TOX2: variants seen among roughly 807,000 people sequenced by gnomAD.
TOX2 encodes the protein TOX high mobility group box family member 2, also known as granulosa cell HMG box 1.
Under a neutral mutation model 47.4 loss-of-function variants are expected in TOX2, and 15 were observed. That is an observed-to-expected ratio of 0.32 (90% CI 0.21 to 0.49). The LOEUF (loss-of-function observed/expected upper bound fraction) is 0.49. TOX2 is among the 20% of genes least tolerant of loss of function. The probability of loss-of-function intolerance (pLI) is 0.99; values close to 1 mark genes in which losing one functional copy is unlikely to be tolerated. For synonymous variants in TOX2, 290 were observed against 296.6 expected (o/e 0.98, Z 0.23); for missense variants, 622 against 673.1 (o/e 0.92, Z 0.84).
chr20:44,019,875 C>T (rs1224262109), intron 3 of TOX2, among the ~76,000 whole-genome samples: 1 of 152,150 alleles, frequency 6.6e-6, no homozygotes, highest in Admixed American at 6.6e-5. Context: ...CTAAATCACC[C>T]CAGGGAGTTG....
At chr20:43,945,743 G>T in intron 1 of TOX2, 1 of 974,304 alleles carries the variant, frequency 1.0e-6, no homozygotes, top group South Asian at 1.6e-5. Flanking sequence ...ATTGGAATAG[G>T]AGATGGATTT....
intron 1 of TOX2, among the ~76,000 whole-genome samples, chr20:43,966,837 A>G (rs2069864070): frequency 1.3e-5 from 2 of 151,046 alleles, no homozygotes; most frequent in Non-Finnish European, 2.9e-5. Context: ...GCTGCCCTGG[A>G]GGGTCCTGGA....
At chr20:44,002,324 C>A (rs1290014747) in intron 2 of TOX2, among the ~76,000 whole-genome samples, 1 of 152,196 alleles carries the variant, frequency 6.6e-6, no homozygotes, top group African/African-American at 2.4e-5. Flanking sequence ...TCCCCCATAT[C>A]CCAGTGTGCT....
At chr20:43,969,793 C>A (rs770642468) in intron 1 of TOX2, among the ~76,000 whole-genome samples, 15 of 152,260 alleles carry the variant, frequency 9.9e-5, no homozygotes, top group Non-Finnish European at 2.2e-4. Flanking sequence ...CTGCCAGCTT[C>A]TCAAGTGCCC....
At chr20:44,063,702 G>A (rs996176699) in intron 5 of TOX2, among the ~76,000 whole-genome samples, 1 of 151,820 alleles carries the variant, frequency 6.6e-6, no homozygotes, top group African/African-American at 2.4e-5. Context: ...CAGCCCAAAT[G>A]CCCATCAATC....
intron 1 of TOX2, among the ~76,000 whole-genome samples, chr20:43,928,886 G>A (rs927381040): frequency 1.3e-5 from 2 of 150,748 alleles, no homozygotes; most frequent in Non-Finnish European, 2.9e-5. Flanking sequence ...TGTAATCCCA[G>A]CACTTTGGGA....
Position 44,048,822 on chromosome 20 carries a change from GTCT to G in TOX2, c.412-2479_412-2477del, listed in dbSNP as rs1157732559. 2.0e-5 allele frequency among the ~76,000 whole-genome samples: 3 copies of G among 152,048 alleles called. No homozygotes were observed. In the East Asian group the frequency reaches 5.8e-4, roughly 29 times the overall value. ...ATCCATAATGAAGATACAATTGTCT[GTCT>G]TCTTTTTGTAATAAAAACCAATATC... is the stretch of plus-strand genomic sequence containing the variant. On this transcript the variant is annotated intron_variant, in intron 3 of 8. Coordinates refer to ENST00000341197, the MANE Select transcript of TOX2 (RefSeq NM_001098797.2).
chr20:43,942,196 G>A (rs2069411660), intron 1 of TOX2, among the ~76,000 whole-genome samples: 1 of 152,142 alleles, frequency 6.6e-6, no homozygotes, highest in Non-Finnish European at 1.5e-5. Context: ...ACTTTCCATC[G>A]ATGACAGCTG....
intron 2 of TOX2, among the ~76,000 whole-genome samples, chr20:43,980,367 A>G (rs943363594): frequency 2.6e-5 from 4 of 152,222 alleles, no homozygotes; most frequent in Non-Finnish European, 5.9e-5. Flanking sequence ...TGGTTACCAG[A>G]GGCTGGGAAG....
At chr20:44,012,169 T>TA (rs1336601548) in intron 3 of TOX2, among the ~76,000 whole-genome samples, 1 of 152,264 alleles carries the variant, frequency 6.6e-6, no homozygotes, top group Non-Finnish European at 1.5e-5. Context: ...AATCAGTTTC[T>TA]AAAATACCCA....
chr20:43,960,964 C>A lies in TOX2; in HGVS notation c.100-12403C>A, dbSNP rs544783441. Among the ~76,000 whole-genome samples, 15 of 152,344 alleles carry A rather than the reference C, an allele frequency of 9.8e-5. No individual in the cohort carries two copies. In the South Asian group the frequency reaches 3.1e-3, roughly 32 times the overall value. ...AAACTGAGGCCTAGAAAGGGGGAGG[C>A]CTTTTTCAAGGACACACAGTGAGTG... On this transcript the variant is annotated intron_variant, in intron 1 of 8. Coordinates refer to ENST00000341197, the MANE Select transcript of TOX2 (RefSeq NM_001098797.2).
At chr20:44,002,149 C>T (rs1054580322) in intron 2 of TOX2, among the ~76,000 whole-genome samples, 4 of 152,248 alleles carry the variant, frequency 2.6e-5, no homozygotes, top group Non-Finnish European at 2.9e-5. Context: ...AGTTCAGAGT[C>T]GCCACCTCCA....
At chr20:44,028,260 G>C (rs2071095135) in intron 3 of TOX2, among the ~76,000 whole-genome samples, 1 of 152,074 alleles carries the variant, frequency 6.6e-6, no homozygotes, top group Non-Finnish European at 1.5e-5. Context: ...CCAGGTGGAA[G>C]GGGCTGCCCC....
At chr20:43,939,351 G>A (rs2069371947) in intron 1 of TOX2, among the ~76,000 whole-genome samples, 1 of 152,212 alleles carries the variant, frequency 6.6e-6, no homozygotes, top group Non-Finnish European at 1.5e-5. Context: ...TATTGGGACT[G>A]GAGGAGTTGA....
chr20:43,997,032 G>T (rs1294557700), intron 2 of TOX2, among the ~76,000 whole-genome samples: 2 of 152,186 alleles, frequency 1.3e-5, no homozygotes, highest in African/African-American at 4.8e-5. Context: ...ACCAGGGAGT[G>T]AATGCCACTT....
chr20:44,066,826 C>T lies in TOX2; in HGVS notation c.1453C>T (p.Pro485Ser). The T allele has an allele frequency of 2.5e-6, 4 of 1,614,132 alleles. No homozygotes were observed. Among genetic ancestry groups the T allele is most frequent in the Non-Finnish European group, 3.4e-6 (4 of 1,180,002 alleles). ...CAGCGGGGACTGGGACAGCAGCTAC[C>T]CCAGTGGGGAGTGTGGCATCAGCAC... Reference protein sequence around the residue: ...TSSGDWDSSYPSGECGISTCS... With the variant: ...TSSGDWDSSYSSGECGISTCS... The change falls in exon 8 of 9, where the codon CCC becomes TCC. Residue 485 changes from proline (P) to serine (S), a missense_variant. Coordinates refer to ENST00000341197, the MANE Select transcript of TOX2 (RefSeq NM_001098797.2).
chr20:44,060,038 C>G (rs575995903), intron 5 of TOX2, among the ~76,000 whole-genome samples: 1 of 152,176 alleles, frequency 6.6e-6, no homozygotes, highest in Admixed American at 6.5e-5. Context: ...ACACACATAA[C>G]CTTTAGGTAA....
At chr20:43,986,256 AATGTATGT>A (rs11274396) in intron 2 of TOX2, among the ~76,000 whole-genome samples, 24 of 149,660 alleles carry the variant, frequency 1.6e-4, no homozygotes, top group Admixed American at 1.3e-3. Flanking sequence ...AGCCTTTTAA[AATGTATGT>A]ATGTATGTAT....
intron 3 of TOX2, among the ~76,000 whole-genome samples, chr20:44,047,435 AGAG>A (rs2071427389): frequency 6.6e-6 from 1 of 152,254 alleles, no homozygotes; most frequent in African/African-American, 2.4e-5. Flanking sequence ...CAACATTAAT[AGAG>A]AAGAAAGCAG....
Sources: gnomAD v4.1 joint callset for allele counts (sites outside exome capture counted in the v4.1 genomes callset) on GRCh38, gnomAD v4.1.1 for gene constraint, MANE v1.5 for transcripts, NCBI Gene and HGNC (gene_info 2026-07-23, HGNC 2026-07-21) for gene names.